The following SLIT2 variants were observed in gnomAD, a reference collection of about 807,000 sequenced individuals.
SLIT2 encodes the protein slit homolog 2 protein.
SLIT2 carries 41 observed loss-of-function variants against 185.7 expected under a neutral mutation model. The observed-to-expected ratio is 0.22, with a 90% confidence interval of 0.17 to 0.29. SLIT2 has a LOEUF of 0.29. SLIT2 is among the 10% of genes least tolerant of loss of function. The pLI, the probability that SLIT2 is intolerant of heterozygous loss-of-function variation, is 1.00. For missense variants in SLIT2, 1,571 were observed against 1,909.0 expected, an observed-to-expected ratio of 0.82 and a Z score of 3.30; for synonymous variants, 693 against 680.2, an observed-to-expected ratio of 1.02 and a Z score of -0.29.
chr4:20,486,952 AACGTGTAGG>A (rs1254396492), intron 7 of SLIT2, among the ~76,000 whole-genome samples: 1 of 152,122 alleles, frequency 6.6e-6, no homozygotes, highest in African/African-American at 2.4e-5. Flanking sequence ...TATTACATAT[AACGTGTAGG>A]ACATGATTGG....
chr4:20,596,233 A>G (rs1727968447), intron 31 of SLIT2, among the ~76,000 whole-genome samples, 182 bp from the exon 32 acceptor site: 1 of 152,192 alleles, frequency 6.6e-6, no homozygotes, highest in African/African-American at 2.4e-5. Flanking sequence ...CAGGATGAGT[A>G]AGTTTGGAAT....
intron 4 of SLIT2, among the ~76,000 whole-genome samples, chr4:20,314,307 A>G (rs978872935): frequency 3.3e-5 from 5 of 152,226 alleles, no homozygotes; most frequent in African/African-American, 1.2e-4. Flanking sequence ...AATGATAGCA[A>G]AGTATGAACA....
chr4:20,551,999 T>C (rs1250847386), intron 25 of SLIT2, among the ~76,000 whole-genome samples: 1 of 152,192 alleles, frequency 6.6e-6, no homozygotes, highest in African/African-American at 2.4e-5. Context: ...CTGGTGCCTA[T>C]TAATATTCCT....
chr4:20,612,769 TTA>T (rs1232557948), intron 34 of SLIT2, among the ~76,000 whole-genome samples: 1 of 151,600 alleles, frequency 6.6e-6, no homozygotes, highest in Non-Finnish European at 1.5e-5. Flanking sequence ...CTACAAAAAA[TTA>T]GCCGGGCATG....
chr4:20,339,671 G>GTTTTGAAGACATTAACAA (rs1307613748), intron 4 of SLIT2, among the ~76,000 whole-genome samples: 1 of 152,124 alleles, frequency 6.6e-6, no homozygotes, highest in African/African-American at 2.4e-5. Context: ...AGCATAGATT[G>GTTTTGAAGACATTAACAA]TTTTGAAGAC....
intron 29 of SLIT2, chr4:20,573,107 G>A (rs1725751128): frequency 2.9e-6 from 2 of 681,256 alleles, no homozygotes; most frequent in East Asian, 2.7e-5. Flanking sequence ...AGAAATCCAA[G>A]CCTTGCTTCA....
intron 4 of SLIT2, among the ~76,000 whole-genome samples, chr4:20,442,634 A>G (rs1393209507): frequency 2.0e-5 from 3 of 152,104 alleles, no homozygotes; most frequent in Non-Finnish European, 2.9e-5. Context: ...AGACTTTGAA[A>G]GCAGCATAGG....
intron 9 of SLIT2, among the ~76,000 whole-genome samples, chr4:20,493,309 A>T (rs1245599208): frequency 6.6e-6 from 1 of 151,098 alleles, no homozygotes; most frequent in Non-Finnish European, 1.5e-5. Context: ...TTGACACTTG[A>T]TGGGAAGATA....
intron 4 of SLIT2, among the ~76,000 whole-genome samples, chr4:20,355,099 A>T (rs1234398166): frequency 6.6e-6 from 1 of 152,040 alleles, no homozygotes; most frequent in African/African-American, 2.4e-5. Context: ...TGGTAAGGTG[A>T]TTTTATGGGT....
chr4:20,388,917 T>TATATA lies in SLIT2; in HGVS notation c.396-78829_396-78825dup, dbSNP rs562875771. Among the ~76,000 whole-genome samples the TATATA allele has an allele frequency of 5.5e-4, 81 of 146,166 alleles. No individual in the cohort carries two copies. In the South Asian group the frequency reaches 0.014, roughly 25 times the overall value. The stretch of plus-strand genomic sequence containing the variant: ...ATATATATAATATATACATATAATA[T>TATATA]ATATAATATATAATATATACACACA... On this transcript the variant is annotated intron_variant, in intron 4 of 36. Coordinates refer to ENST00000504154, the MANE Select transcript of SLIT2 (RefSeq NM_004787.4).
At chr4:20,426,735 A>G (rs899718707) in intron 4 of SLIT2, among the ~76,000 whole-genome samples, 2 of 152,198 alleles carry the variant, frequency 1.3e-5, no homozygotes, top group African/African-American at 4.8e-5. Flanking sequence ...CTACAGATGC[A>G]TAATAAAAAG....
intron 3 of SLIT2, among the ~76,000 whole-genome samples, chr4:20,262,863 G>A (rs143305373): frequency 2.6e-5 from 4 of 151,988 alleles, no homozygotes; most frequent in African/African-American, 9.6e-5. Flanking sequence ...AATTTCTCAT[G>A]CAACAGTTTT....
At position 20,484,888 on chromosome 4, in the gene SLIT2, C is replaced by A. The variant is rs1277275740; in HGVS notation, c.540-1312C>A. On this transcript the variant is annotated intron_variant, in intron 6 of 36. Coordinates refer to ENST00000504154, the MANE Select transcript of SLIT2 (RefSeq NM_004787.4). The surrounding 1 kb of genome is among the most constrained non-coding windows in gnomAD (Gnocchi z 4.3). ...AGCTTACCATATTCTTCACATTCCC[C>A]AAATGTCTGCTTTCTTCCATCTCTC... Among the ~76,000 whole-genome samples the A allele has an allele frequency of 1.3e-5, 2 of 152,090 alleles. No homozygotes were observed. Among genetic ancestry groups the A allele is most frequent in the African/African-American group, 4.8e-5 (2 of 41,426 alleles).
chr4:20,368,550 A>C (rs1280486182), intron 4 of SLIT2, among the ~76,000 whole-genome samples: 1 of 152,170 alleles, frequency 6.6e-6, no homozygotes, highest in Non-Finnish European at 1.5e-5. Flanking sequence ...GTTTCCCAGC[A>C]ACAAATTTAA....
chr4:20,599,123 A>G (rs1728215141), intron 33 of SLIT2, among the ~76,000 whole-genome samples: 1 of 152,226 alleles, frequency 6.6e-6, no homozygotes, highest in Non-Finnish European at 1.5e-5. Context: ...CTTACGCAGA[A>G]TAAGCAAATG....
chr4:20,391,011 A>G (rs1465673065), intron 4 of SLIT2, among the ~76,000 whole-genome samples: 2 of 152,032 alleles, frequency 1.3e-5, no homozygotes, highest in Non-Finnish European at 2.9e-5. Flanking sequence ...TACGGTGCCC[A>G]TAAATAATCC....
At chr4:20,265,998 A>G (rs1408159541) in intron 3 of SLIT2, among the ~76,000 whole-genome samples, 2 of 151,954 alleles carry the variant, frequency 1.3e-5, no homozygotes, top group Admixed American at 1.3e-4. Flanking sequence ...CCAGAACAGC[A>G]GTGAGAATTG....
chr4:20,500,096 A>G (rs911273958), intron 9 of SLIT2, among the ~76,000 whole-genome samples: 1 of 152,188 alleles, frequency 6.6e-6, no homozygotes. Context: ...AAATGATACC[A>G]TTTTTTAAAT....
In SLIT2 at chr4:20,567,394, A is replaced by G. The variant is rs371653173; in HGVS notation, c.2850+8A>G. ...TGTCCATATGGTTTCAAGGTAAGTA[A>G]AAGCACTTTAAGAGTCACAGTTTGA... On this transcript the variant is annotated splice_region_variant and intron_variant, in intron 27 of 36. Transcript: ENST00000504154. 9 of 1,613,064 alleles carry G rather than the reference A, an allele frequency of 5.6e-6. No homozygotes were observed. In the African/African-American group the frequency reaches 1.1e-4, roughly 19 times the overall value.
Sources: allele counts gnomAD v4.1 joint callset (sites outside exome capture counted in the v4.1 genomes callset), GRCh38; gene constraint gnomAD v4.1.1; non-coding constraint Gnocchi (gnomAD v3.1); transcripts MANE v1.5; gene names NCBI Gene and HGNC (gene_info 2026-07-23, HGNC 2026-07-21).